The following APBB2 variants were observed in gnomAD, a reference collection of about 807,000 sequenced individuals.
APBB2 encodes amyloid beta precursor protein binding family B member 2.
APBB2 carries 38 observed loss-of-function variants against 82.5 expected under a neutral mutation model. The observed-to-expected ratio is 0.46, with a 90% confidence interval of 0.36 to 0.60. The LOEUF is 0.60. Among genes scored for constraint, APBB2 ranks in the 20% least tolerant of loss-of-function variants. APBB2 has a pLI of 0.00. For synonymous variants in APBB2, 341 were observed against 368.2 expected (o/e 0.93, Z 0.85); for missense variants, 772 against 972.3 (o/e 0.79, Z 2.74).
chr4:40,966,209 TTCTC>T lies in APBB2; in HGVS notation c.836-21140_836-21137del, dbSNP rs1343124536. 5.9e-5 allele frequency among the ~76,000 whole-genome samples: 9 copies of T among 152,344 alleles called. No homozygotes were observed. In the East Asian group the frequency reaches 1.2e-3, roughly 20 times the overall value. ...TCAGTAATTCCTCCCCCCTCGTTCT[TTCTC>T]TCTGTCACATGTGTACTATTTTCCT... On this transcript the variant is annotated intron_variant, in intron 6 of 17. Transcript: ENST00000508593.
At chr4:41,100,951 C>T (rs1745136091) in intron 2 of APBB2, among the ~76,000 whole-genome samples, 1 of 152,186 alleles carries the variant, frequency 6.6e-6, no homozygotes, top group African/African-American at 2.4e-5. Context: ...GCAGTTCGAT[C>T]TGTCGCCTTA....
At chr4:40,985,314 T>C (rs2154406771) in intron 6 of APBB2, among the ~76,000 whole-genome samples, 1 of 152,230 alleles carries the variant, frequency 6.6e-6, no homozygotes, top group African/African-American at 2.4e-5. Flanking sequence ...ATTAATAAAA[T>C]TTCAATCTAT....
chr4:41,193,979 A>G, intron 1 of APBB2: 2 of 152,158 alleles, frequency 1.3e-5, no homozygotes, highest in Non-Finnish European at 2.9e-5. Context: ...GATTATTTGT[A>G]TATTTGAAAT....
intron 1 of APBB2, among the ~76,000 whole-genome samples, chr4:41,152,818 C>A (rs1762607955): frequency 6.6e-6 from 1 of 152,184 alleles, no homozygotes; most frequent in Non-Finnish European, 1.5e-5. Context: ...TTCCTAGAGC[C>A]ACTTTAGCTC....
At chr4:40,984,161 C>G (rs1799810409) in intron 6 of APBB2, among the ~76,000 whole-genome samples, 2 of 152,284 alleles carry the variant, frequency 1.3e-5, no homozygotes, top group Admixed American at 1.3e-4. Context: ...AGTATACATA[C>G]TGTACGACAC....
chr4:40,951,179 A>C (rs967963653), intron 6 of APBB2, among the ~76,000 whole-genome samples: 3 of 152,188 alleles, frequency 2.0e-5, no homozygotes, highest in Admixed American at 6.5e-5. Flanking sequence ...GAGTATTAGA[A>C]ATGCTTTATT....
At chr4:40,997,017 A>G (rs2154416836) in intron 6 of APBB2, among the ~76,000 whole-genome samples, 1 of 152,232 alleles carries the variant, frequency 6.6e-6, no homozygotes, top group African/African-American at 2.4e-5. Context: ...TGAAACTTAC[A>G]TGACCGCTGC....
At chr4:41,194,317 C>G in intron 1 of APBB2, among the ~76,000 whole-genome samples, 9 of 152,094 alleles carry the variant, frequency 5.9e-5, no homozygotes, top group African/African-American at 2.2e-4. Flanking sequence ...GCGAAACTCT[C>G]TCTCAAAAAA....
At chr4:40,986,697 A>AATCT (rs1800493157) in intron 6 of APBB2, among the ~76,000 whole-genome samples, 1 of 152,236 alleles carries the variant, frequency 6.6e-6, no homozygotes, top group South Asian at 2.1e-4. Context: ...CTGGTCCTGG[A>AATCT]ATCTACTGCA....
chr4:41,200,385 T>A (rs114542495), intron 1 of APBB2, among the ~76,000 whole-genome samples: 29,766 of 151,464 alleles, frequency 0.2, 3,907 homozygotes, highest in African/African-American at 0.37. Context: ...ATTTTTTTTT[T>A]AAATAAAATT....
chr4:40,919,366 C>T (rs904197818), intron 10 of APBB2, among the ~76,000 whole-genome samples: 2 of 152,072 alleles, frequency 1.3e-5, no homozygotes, highest in East Asian at 1.9e-4. Context: ...CTGGAAGTTA[C>T]GTGAAAACTT....
At chr4:41,000,105 G>GTGTGTGTATA (rs10694468) in intron 6 of APBB2, among the ~76,000 whole-genome samples, 3 of 135,154 alleles carry the variant, frequency 2.2e-5, no homozygotes, top group South Asian at 2.4e-4. Flanking sequence ...GTGTGTGTGT[G>GTGTGTGTATA]TATAAATTAG....
chr4:41,007,137 T>C (rs1806979315), intron 6 of APBB2, among the ~76,000 whole-genome samples: 1 of 152,126 alleles, frequency 6.6e-6, no homozygotes, highest in African/African-American at 2.4e-5. Flanking sequence ...TATGTGTTGA[T>C]TGGAAGTGGG....
chr4:40,821,383 T>C (rs906066222), intron 17 of APBB2, among the ~76,000 whole-genome samples: 1 of 152,152 alleles, frequency 6.6e-6, no homozygotes, highest in East Asian at 1.9e-4. Context: ...TTCCCTAAAG[T>C]CTCTATTTTC....
chr4:41,208,325 G>A (rs940854871), intron 1 of APBB2, among the ~76,000 whole-genome samples: 11 of 152,178 alleles, frequency 7.2e-5, no homozygotes, highest in Admixed American at 3.3e-4. Context: ...GCAGTGGCGC[G>A]GTCTCAGCTC....
At chr4:40,900,070 G>C (rs1045755737) in intron 10 of APBB2, among the ~76,000 whole-genome samples, 3 of 152,172 alleles carry the variant, frequency 2.0e-5, no homozygotes, top group Non-Finnish European at 2.9e-5. Flanking sequence ...ATATAACAAC[G>C]TTAAGTTACA....
intron 4 of APBB2, among the ~76,000 whole-genome samples, chr4:41,054,644 A>G (rs983239545): frequency 9.9e-5 from 15 of 152,122 alleles, no homozygotes; most frequent in Admixed American, 7.2e-4. Context: ...CAAACAAATA[A>G]AAATTGCTTA....
intron 12 of APBB2, chr4:40,842,293 C>T (rs1284797678): frequency 1.2e-5 from 5 of 426,658 alleles, no homozygotes; most frequent in Non-Finnish European, 1.9e-5. Flanking sequence ...GGCAATGCGA[C>T]ATGAAGAAAG....
chr4:40,948,127 T>C (rs1425855567), intron 6 of APBB2, among the ~76,000 whole-genome samples: 1 of 152,244 alleles, frequency 6.6e-6, no homozygotes, highest in African/African-American at 2.4e-5. Context: ...GGAAGAGTAC[T>C]GGGCTGGAGA....
Sources: gnomAD v4.1 joint callset for allele counts (sites outside exome capture counted in the v4.1 genomes callset) on GRCh38, gnomAD v4.1.1 for gene constraint, MANE v1.5 for transcripts, NCBI Gene and HGNC (gene_info 2026-07-23, HGNC 2026-07-21) for gene names.